The following MGST2 variants were observed in gnomAD, a reference collection of about 807,000 sequenced individuals.
MGST2 encodes the protein microsomal glutathione S-transferase 2, also known as glutathione peroxidase MGST2.
Under a neutral mutation model 16.6 loss-of-function variants are expected in MGST2, and 9 were observed. The observed-to-expected ratio is 0.54, with a 90% confidence interval of 0.33 to 0.95. The LOEUF (loss-of-function observed/expected upper bound fraction) is 0.95, where lower values mean the gene tolerates loss of function less well. MGST2 is among the 40% of genes least tolerant of loss of function. MGST2 has a pLI of 0.03. For missense variants in MGST2, 159 were observed against 175.1 expected (o/e 0.91, Z 0.52); for synonymous variants, 79 against 68.0 (o/e 1.16, Z -0.79).
downstream of MGST2, chr4:139,704,251 A>C (rs1038096018): frequency 3.5e-6 from 5 of 1,440,172 alleles, no homozygotes; most frequent in Non-Finnish European, 4.8e-6. Flanking sequence ...GTTTTTCTTG[A>C]AATGGCTTTG....
chr4:139,675,337 A>C (rs1204050297), intron 1 of MGST2, among the ~76,000 whole-genome samples: 1 of 152,146 alleles, frequency 6.6e-6, no homozygotes, highest in East Asian at 1.9e-4. Context: ...GAAAAGAGGA[A>C]GTTAAGGACA....
intron 2 of MGST2, among the ~76,000 whole-genome samples, chr4:139,679,534 C>A (rs568090583): frequency 7.9e-5 from 12 of 152,180 alleles, no homozygotes; most frequent in African/African-American, 2.4e-4. Context: ...TAATGTTTTT[C>A]TGGTGGGAAA....
chr4:139,679,279 T>C (rs907754224), intron 2 of MGST2, among the ~76,000 whole-genome samples: 5 of 152,208 alleles, frequency 3.3e-5, no homozygotes, highest in Non-Finnish European at 5.9e-5. Flanking sequence ...ATTTCATGCG[T>C]CACCACTGAT....
chr4:139,705,491 C>T (rs193214619), downstream of MGST2: 3 of 152,086 alleles, frequency 2.0e-5, no homozygotes, highest in African/African-American at 7.2e-5. Flanking sequence ...CATCTTGGTT[C>T]CAACAAATTT....
chr4:139,697,851 G>A (rs1727016891), intron 3 of MGST2, among the ~76,000 whole-genome samples: 1 of 151,828 alleles, frequency 6.6e-6, no homozygotes, highest in South Asian at 2.1e-4. Flanking sequence ...AAATTTAACA[G>A]GTTTATTTAT....
chr4:139,707,319 G>A (rs1215370123), downstream of MGST2, among the ~76,000 whole-genome samples: 3 of 151,966 alleles, frequency 2.0e-5, no homozygotes, highest in Non-Finnish European at 4.4e-5. Context: ...TTTTGTCCTT[G>A]TGATAGTTTG....
intron 2 of MGST2, among the ~76,000 whole-genome samples, chr4:139,690,408 C>T (rs924035767): frequency 6.6e-5 from 10 of 152,042 alleles, no homozygotes; most frequent in Admixed American, 3.3e-4. Flanking sequence ...CCCAAAGGCC[C>T]GGGATTACAG....
At chr4:139,737,908 G>A (rs146106000) in intron 5 of MGST2, among the ~76,000 whole-genome samples, 6 of 152,228 alleles carry the variant, frequency 3.9e-5, no homozygotes, top group African/African-American at 1.4e-4. Context: ...ATGTGTGATG[G>A]TTGTGTCCCC....
chr4:139,681,113 C>T (rs1731220323), intron 2 of MGST2, among the ~76,000 whole-genome samples: 1 of 152,150 alleles, frequency 6.6e-6, no homozygotes, highest in African/African-American at 2.4e-5. Flanking sequence ...ACCTGCCAGC[C>T]TCAGGCAATC....
At chr4:139,730,082 T>C (rs1728640607) in intron 5 of MGST2, among the ~76,000 whole-genome samples, 2 of 152,216 alleles carry the variant, frequency 1.3e-5, no homozygotes, top group African/African-American at 2.4e-5. Flanking sequence ...ATGGAGCATG[T>C]GAGACAGTCC....
intron 3 of MGST2, chr4:139,698,518 C>T (rs1237761455): frequency 4.4e-6 from 5 of 1,140,914 alleles, no homozygotes; most frequent in Middle Eastern, 2.1e-4. Flanking sequence ...GCTTTACCAC[C>T]GGTCGATTTG....
intron 5 of MGST2, among the ~76,000 whole-genome samples, chr4:139,728,717 G>A (rs1252904085): frequency 6.6e-6 from 1 of 152,112 alleles, no homozygotes; most frequent in Non-Finnish European, 1.5e-5. Flanking sequence ...TGGATTCTGA[G>A]GGGTCTCCCC....
At chr4:139,701,076 C>T (rs1049027621) in intron 3 of MGST2, among the ~76,000 whole-genome samples, 1 of 152,144 alleles carries the variant, frequency 6.6e-6, no homozygotes, top group Non-Finnish European at 1.5e-5. Flanking sequence ...TTCCTTGTCA[C>T]GTAAGAGCAC....
chr4:139,684,725 C>G (rs1731462964), intron 2 of MGST2, among the ~76,000 whole-genome samples: 2 of 152,156 alleles, frequency 1.3e-5, no homozygotes, highest in Non-Finnish European at 2.9e-5. Flanking sequence ...GATAATAGGC[C>G]TGACTTTTGA....
At chr4:139,688,551 C>T (rs1439868096) in intron 2 of MGST2, among the ~76,000 whole-genome samples, 1 of 150,922 alleles carries the variant, frequency 6.6e-6, no homozygotes, top group Non-Finnish European at 1.5e-5. Context: ...TTTTTAATGT[C>T]ATTTTGAATT....
chr4:139,684,428 A>C (rs1255356160), intron 2 of MGST2, among the ~76,000 whole-genome samples: 1 of 152,216 alleles, frequency 6.6e-6, no homozygotes, highest in Non-Finnish European at 1.5e-5. Context: ...TCAGGAGGTC[A>C]AGATGATGAC....
intron 1 of MGST2, among the ~76,000 whole-genome samples, chr4:139,674,179 G>GTATAAA (rs1730846288): frequency 6.6e-6 from 1 of 152,192 alleles, no homozygotes; most frequent in African/African-American, 2.4e-5. Flanking sequence ...TGCCCAAGGT[G>GTATAAA]GTCAGGGCAC....
chr4:139,713,656 A>C (rs1727827092), intron 5 of MGST2, among the ~76,000 whole-genome samples: 1 of 152,184 alleles, frequency 6.6e-6, no homozygotes, highest in Non-Finnish European at 1.5e-5. Flanking sequence ...TTAAAAAAGA[A>C]ATACTTTTGG....
chr4:139,746,449 TC>T, the MGST2 span, among the ~76,000 whole-genome samples: 27,964 of 152,130 alleles, frequency 0.18, 2,832 homozygotes, highest in African/African-American at 0.24. Context: ...TTAAAAATTT[TC>T]CTACCCCTTA....
Sources: gnomAD v4.1 joint callset for allele counts (sites outside exome capture counted in the v4.1 genomes callset) on GRCh38, gnomAD v4.1.1 for gene constraint, MANE v1.5 for transcripts, NCBI Gene and HGNC (gene_info 2026-07-23, HGNC 2026-07-21) for gene names.